Variants in GABRB3 observed in about 807,000 individuals in gnomAD.
The protein encoded by GABRB3 is gamma-aminobutyric acid type A receptor subunit beta3.
A neutral mutation model predicts 52.1 loss-of-function variants in GABRB3; 14 were observed. That is an observed-to-expected ratio of 0.27 (90% CI 0.18 to 0.42). The LOEUF (loss-of-function observed/expected upper bound fraction) is 0.42. Ranked by LOEUF, GABRB3 falls within the 10% of genes least tolerant of loss-of-function variation. The pLI is 1.00. For missense variants in GABRB3, 307 were observed against 609.1 expected (o/e 0.50, Z 5.22); for synonymous variants, 260 against 232.3 (o/e 1.12, Z -1.08).
intron 3 of GABRB3, among the ~76,000 whole-genome samples, chr15:26,752,532 G>A (rs1041627012): frequency 3.9e-5 from 6 of 152,002 alleles, no homozygotes; most frequent in African/African-American, 1.5e-4. Flanking sequence ...CAAAGTGCTG[G>A]GATTACAGGC....
intron 3 of GABRB3, among the ~76,000 whole-genome samples, chr15:26,665,768 G>GTGT (rs752172492): frequency 2.6e-5 from 4 of 152,270 alleles, no homozygotes; most frequent in South Asian, 2.1e-4. Flanking sequence ...ACAGGCTTAT[G>GTGT]TGTTGTTGTT....
chr15:26,688,529 C>G (rs757060003), intron 3 of GABRB3, among the ~76,000 whole-genome samples: 1 of 152,202 alleles, frequency 6.6e-6, no homozygotes, highest in Non-Finnish European at 1.5e-5. Flanking sequence ...GCAGAGGACT[C>G]TTCAAACATG....
rs781064933 is a variant in GABRB3, at chr15:26,545,972, C to A, written c.*1821G>T. The A allele has an allele frequency of 6.6e-6, 1 of 152,518 alleles. No homozygotes were observed. The highest frequency in any genetic ancestry group is 2.4e-5 in the African/African-American group (1 of 41,418). 9.4% of individuals were successfully genotyped at this position (152,518 alleles called of 1,614,324 possible). A position where few individuals can be genotyped will look rare whatever the true frequency, so the allele number is the denominator to read the frequency against. On this transcript the variant is annotated 3_prime_UTR_variant, in exon 9 of 9. Coordinates refer to ENST00000311550, the MANE Select transcript of GABRB3 (RefSeq NM_000814.6). ...GATGCCCACAAATTAAAGGTTGTTA[C>A]GGCCACCAAAGAAAAATCAAGTAGT...
chr15:26,661,168 T>C (rs536259377), intron 3 of GABRB3, among the ~76,000 whole-genome samples: 8 of 152,162 alleles, frequency 5.3e-5, no homozygotes, highest in Admixed American at 2.6e-4. Flanking sequence ...TAGTTTGAGA[T>C]AGTCACAGTG....
At chr15:26,749,664 G>A (rs977355710) in intron 3 of GABRB3, among the ~76,000 whole-genome samples, 1 of 152,186 alleles carries the variant, frequency 6.6e-6, no homozygotes, top group African/African-American at 2.4e-5. Flanking sequence ...GCAGCTTTTG[G>A]ATGGTGTTTG....
intron 3 of GABRB3, among the ~76,000 whole-genome samples, chr15:26,709,515 C>CTTTTTTTTTTTTTTTTTTTTTTTT (rs57044167): frequency 1.3e-4 from 12 of 92,006 alleles, no homozygotes; most frequent in Non-Finnish European, 1.7e-4. Context: ...TTTTTTCTTT[C>CTTTTTTTTTTTTTTTTTTTTTTTT]TTTTTTTTTT....
intron 3 of GABRB3, among the ~76,000 whole-genome samples, chr15:26,688,038 G>GT: frequency 6.6e-6 from 1 of 152,270 alleles, no homozygotes; most frequent in African/African-American, 2.4e-5. Flanking sequence ...GCCAAAAAGT[G>GT]TAAGAAACTA....
chr15:26,625,064 A>C (rs901772434), intron 3 of GABRB3: 3 of 633,700 alleles, frequency 4.7e-6, no homozygotes, highest in African/African-American at 2.0e-5. Flanking sequence ...CTCGCTCCTC[A>C]TCCACTCCCT....
intron 3 of GABRB3, among the ~76,000 whole-genome samples, chr15:26,638,127 T>A (rs1392764099): frequency 1.3e-5 from 2 of 152,198 alleles, no homozygotes; most frequent in African/African-American, 4.8e-5. Flanking sequence ...TAGTCAATCA[T>A]ATTTCTGGAC....
chr15:26,719,170 G>A (rs1225930734), intron 3 of GABRB3, among the ~76,000 whole-genome samples: 2 of 152,354 alleles, frequency 1.3e-5, no homozygotes, highest in Non-Finnish European at 2.9e-5. Flanking sequence ...CCTGGTCTTC[G>A]CTCTGCATGC....
chr15:26,601,944 T>C (rs1352834172), intron 4 of GABRB3, among the ~76,000 whole-genome samples: 1 of 152,144 alleles, frequency 6.6e-6, no homozygotes, highest in Non-Finnish European at 1.5e-5. Flanking sequence ...GAATAAATGA[T>C]GTAATCAAAA....
chr15:26,595,087 G>A (rs75663203), intron 4 of GABRB3, among the ~76,000 whole-genome samples: 1,623 of 152,274 alleles, frequency 0.011, 36 homozygotes, highest in African/African-American at 0.037. Context: ...TTCTCTAAGA[G>A]TCTCATCCCA....
intron 3 of GABRB3, among the ~76,000 whole-genome samples, chr15:26,627,177 A>G (rs986451010): frequency 3.3e-5 from 5 of 151,882 alleles, no homozygotes; most frequent in Admixed American, 1.3e-4. Flanking sequence ...ACAAAACTGA[A>G]TATTTTTAAC....
chr15:26,562,316 T>C (rs1294378840), intron 7 of GABRB3, among the ~76,000 whole-genome samples: 1 of 152,234 alleles, frequency 6.6e-6, no homozygotes, highest in Non-Finnish European at 1.5e-5. Flanking sequence ...AGCTCTTTTC[T>C]ACGTATGCCA....
In GABRB3 at chr15:26,686,539, G is replaced by C. The variant is rs188666091; in HGVS notation, c.241-65005C>G. 5.4e-4 allele frequency among the ~76,000 whole-genome samples: 82 copies of C among 152,316 alleles called. 1 individual carries two copies. The East Asian group carries it at 7.1e-3, about 13-fold the overall frequency. On this transcript the variant is annotated intron_variant, in intron 3 of 8. Coordinates refer to ENST00000311550, the MANE Select transcript of GABRB3 (RefSeq NM_000814.6). ...CTATCAGAAGGCAAGAATAGGTGTT[G>C]ACATCTCAGAGACATTTTGATGGTC...
At chr15:26,660,273 G>C (rs951194795) in intron 3 of GABRB3, among the ~76,000 whole-genome samples, 1 of 151,812 alleles carries the variant, frequency 6.6e-6, no homozygotes, top group African/African-American at 2.4e-5. Flanking sequence ...TAAATGTGGC[G>C]ACACTAGGAT....
intron 3 of GABRB3, among the ~76,000 whole-genome samples, chr15:26,686,109 A>AT (rs1349193360): frequency 2.6e-5 from 4 of 151,660 alleles, no homozygotes; most frequent in East Asian, 1.9e-4. Flanking sequence ...TACCTGACTA[A>AT]TTTTTTTATT....
rs182720140 is a variant in GABRB3, at chr15:26,700,831, A to G, written c.240+71571T>C. Among the ~76,000 whole-genome samples the G allele has an allele frequency of 3.2e-3, 482 of 152,290 alleles. 2 individuals carry two copies. The highest frequency in any genetic ancestry group is 0.011 in the African/African-American group (465 of 41,570). On this transcript the variant is annotated intron_variant, in intron 3 of 8. Transcript: ENST00000311550. ...AGCACTCTGGGAGGCCGAGGCGGGC[A>G]GATCATGAGGTCAGGAGGTCGAGAC...
rs550788566 is a variant in GABRB3, at chr15:26,763,818, GA to G, written c.240+8583del. ...AGGGTTATATCATTTTAAGCTAGCAGATTTTGTAATCTTTAAAGTTAATACA... is the reference window on the plus strand; with the variant it reads ...AGGGTTATATCATTTTAAGCTAGCAGTTTTGTAATCTTTAAAGTTAATACA... On this transcript the variant is annotated intron_variant, in intron 3 of 8. Transcript: ENST00000311550. Among the ~76,000 whole-genome samples the G allele has an allele frequency of 5.9e-5, 9 of 152,178 alleles. 2 individuals are homozygous for G. In the South Asian group the frequency reaches 1.9e-3, roughly 32 times the overall value.
Sources: gnomAD v4.1 joint callset for allele counts (sites outside exome capture counted in the v4.1 genomes callset) on GRCh38, gnomAD v4.1.1 for gene constraint, MANE v1.5 for transcripts, NCBI Gene and HGNC (gene_info 2026-07-23, HGNC 2026-07-21) for gene names.